Variants in RBFOX3 observed in about 807,000 individuals in gnomAD.
RBFOX3 encodes RNA binding fox-1 homolog 3, also known as RNA binding protein fox-1 homolog 3.
In RBFOX3, 17 loss-of-function variants were observed where a neutral mutation model predicts 48.7. The observed-to-expected ratio is 0.35, with a 90% CI of 0.24 to 0.52. The LOEUF is 0.52. Ranked by LOEUF, RBFOX3 falls within the 20% of genes least tolerant of loss-of-function variation. RBFOX3 has a pLI of 0.94. For missense variants in RBFOX3, 382 were observed against 497.5 expected, an observed-to-expected ratio of 0.77 and a Z score of 2.21; for synonymous variants, 212 against 209.5, an observed-to-expected ratio of 1.01 and a Z score of -0.10.
At chr17:79,247,563 T>C (rs1236806974) in intron 3 of RBFOX3, among the ~76,000 whole-genome samples, 1 of 152,120 alleles carries the variant, frequency 6.6e-6, no homozygotes. Flanking sequence ...CCGCCCACCT[T>C]GGCCTCCCAA....
At chr17:79,519,240 T>C (rs1055273615) in intron 1 of RBFOX3, among the ~76,000 whole-genome samples, 9,213 of 152,296 alleles carry the variant, frequency 0.06, 537 homozygotes, top group African/African-American at 0.15. Flanking sequence ...CCTGGGAGCC[T>C]GCACACCCCA....
At chr17:79,429,743 C>T (rs1168783531) in intron 2 of RBFOX3, among the ~76,000 whole-genome samples, 5 of 152,118 alleles carry the variant, frequency 3.3e-5, no homozygotes, top group East Asian at 1.9e-4. Flanking sequence ...AATGACTCGT[C>T]GGGGCCACAT....
At chr17:79,296,861 T>A (rs11867365) in intron 3 of RBFOX3, among the ~76,000 whole-genome samples, 20,008 of 94,300 alleles carry the variant, frequency 0.21, 2,656 homozygotes, top group African/African-American at 0.35. Context: ...CTCCTGCTTC[T>A]CCTCCCTTTC....
intron 2 of RBFOX3, among the ~76,000 whole-genome samples, chr17:79,365,590 C>T (rs2057623131): frequency 6.6e-6 from 1 of 152,244 alleles, no homozygotes; most frequent in African/African-American, 2.4e-5. Flanking sequence ...GAAGCCGGCG[C>T]GGCGGCAGGT....
chr17:79,578,581 A>G (rs2092939588), intron 1 of RBFOX3, among the ~76,000 whole-genome samples: 1 of 152,262 alleles, frequency 6.6e-6, no homozygotes, highest in African/African-American at 2.4e-5. Context: ...GCTCCGGGCC[A>G]GGGACCTGCA....
chr17:79,555,424 A>G (rs1206028950), intron 1 of RBFOX3, among the ~76,000 whole-genome samples: 2 of 112,618 alleles, frequency 1.8e-5, no homozygotes, highest in South Asian at 3.1e-4. Context: ...GGTGGTGGTG[A>G]TGGTGGTGAT....
At chr17:79,325,282 G>A (rs1034119799) in intron 2 of RBFOX3, among the ~76,000 whole-genome samples, 1 of 152,248 alleles carries the variant, frequency 6.6e-6, no homozygotes, top group South Asian at 2.1e-4. Flanking sequence ...AGGGCAGCCT[G>A]TGGGGTGCGG....
chr17:79,413,593 C>G (rs2064833539), intron 2 of RBFOX3, among the ~76,000 whole-genome samples: 1 of 152,254 alleles, frequency 6.6e-6, no homozygotes, highest in Admixed American at 6.5e-5. Context: ...AGCGTGGAGA[C>G]TCTGAAGCCA....
At chr17:79,351,085 G>C (rs946054568) in intron 2 of RBFOX3, among the ~76,000 whole-genome samples, 1 of 152,202 alleles carries the variant, frequency 6.6e-6, no homozygotes, top group Non-Finnish European at 1.5e-5. Context: ...GCTGTAGCAT[G>C]TGCCAGAATT....
At chr17:79,627,668 C>A in the RBFOX3 span, among the ~76,000 whole-genome samples, 5 of 152,224 alleles carry the variant, frequency 3.3e-5, no homozygotes, top group Non-Finnish European at 7.3e-5. Flanking sequence ...CTGCAGGGAG[C>A]AGCGGCGTAG....
chr17:79,262,933 CT>C (rs1464566633), intron 3 of RBFOX3, among the ~76,000 whole-genome samples: 1 of 152,270 alleles, frequency 6.6e-6, no homozygotes, highest in African/African-American at 2.4e-5. Context: ...GCTGCCAAAG[CT>C]GTTGGCAGAC....
the RBFOX3 span, among the ~76,000 whole-genome samples, chr17:79,649,524 G>T: frequency 6.6e-6 from 1 of 152,172 alleles, no homozygotes; most frequent in Non-Finnish European, 1.5e-5. Context: ...TGGCCAATGT[G>T]GTGAAACCCC....
intron 4 of RBFOX3, among the ~76,000 whole-genome samples, chr17:79,194,094 TAA>T (rs1386657509): frequency 6.6e-6 from 1 of 152,094 alleles, no homozygotes; most frequent in African/African-American, 2.4e-5. Flanking sequence ...AAAATTTTGG[TAA>T]AAAAACAGAG....
intron 2 of RBFOX3, among the ~76,000 whole-genome samples, chr17:79,332,591 A>ACG (rs2080497596): frequency 8.1e-6 from 1 of 123,600 alleles, no homozygotes; most frequent in Non-Finnish European, 1.8e-5. Context: ...ATAGAACCAG[A>ACG]GAGACAGAGA....
chr17:79,113,339 G>A (rs1489470541), intron 5 of RBFOX3, among the ~76,000 whole-genome samples: 1 of 152,126 alleles, frequency 6.6e-6, no homozygotes, highest in Non-Finnish European at 1.5e-5. Context: ...CTCTGAGGAG[G>A]CCCAGGTCTT....
At chr17:79,161,376 C>T (rs1255515605) in intron 4 of RBFOX3, among the ~76,000 whole-genome samples, 3 of 152,184 alleles carry the variant, frequency 2.0e-5, no homozygotes, top group African/African-American at 4.8e-5. Context: ...CTGGAAGCAC[C>T]GCATGGCTCC....
chr17:79,656,895 G>A, the RBFOX3 span, among the ~76,000 whole-genome samples: 42,235 of 115,896 alleles, frequency 0.36, 9,426 homozygotes, highest in East Asian at 0.6. Context: ...GAAGGAAGGA[G>A]GGAAGGAAGG....
At chr17:79,633,471 C>A in the RBFOX3 span, among the ~76,000 whole-genome samples, 1 of 152,210 alleles carries the variant, frequency 6.6e-6, no homozygotes, top group Non-Finnish European at 1.5e-5. Context: ...CCAGTGTGAG[C>A]CCTGCAGGGC....
chr17:79,303,877 G>A (rs1438357858), intron 3 of RBFOX3, among the ~76,000 whole-genome samples: 1 of 151,752 alleles, frequency 6.6e-6, no homozygotes, highest in Non-Finnish European at 1.5e-5. Context: ...GTGTGTGTGT[G>A]TGCATGTGTG....
Sources: allele counts gnomAD v4.1 joint callset (sites outside exome capture counted in the v4.1 genomes callset), GRCh38; gene constraint gnomAD v4.1.1; transcripts MANE v1.5; gene names NCBI Gene and HGNC (gene_info 2026-07-23, HGNC 2026-07-21).